Variants in ATAD1 observed in about 807,000 individuals in gnomAD.
ATAD1 encodes the protein ATPase family AAA domain containing 1.
A neutral mutation model predicts 42.7 loss-of-function variants in ATAD1; 18 were observed. The ratio of observed to expected loss-of-function variants is 0.42; its 90% CI spans 0.29 to 0.63. The LOEUF (loss-of-function observed/expected upper bound fraction) is 0.63. Ranked by LOEUF, ATAD1 falls within the 20% of genes least tolerant of loss-of-function variation. The pLI is 0.19. For synonymous variants in ATAD1, 132 were observed against 143.1 expected, an observed-to-expected ratio of 0.92 and a Z score of 0.55; for missense variants, 294 against 440.4, an observed-to-expected ratio of 0.67 and a Z score of 2.98.
intron 2 of ATAD1, among the ~76,000 whole-genome samples, chr10:87,806,845 G>A (rs1239330171): frequency 6.6e-6 from 1 of 152,088 alleles, no homozygotes; most frequent in East Asian, 1.9e-4. Context: ...TACGAGGAAG[G>A]ACGAAAGTTA....
intron 1 of ATAD1, among the ~76,000 whole-genome samples, chr10:87,834,920 G>A (rs982458597): frequency 6.6e-6 from 1 of 151,644 alleles, no homozygotes; most frequent in African/African-American, 2.4e-5. Flanking sequence ...TTCCCTCTAA[G>A]GATTGCTTTA....
In ATAD1 at chr10:87,762,595, GC is replaced by G. The variant is rs145438016; in HGVS notation, c.831+5077del. ...TTTTCCTGCCTCAGCCTCCCAAGTA[GC>G]CAGGATTACGGTTGCCAGCCACCAT... On this transcript the variant is annotated intron_variant, in intron 8 of 9. Transcript: ENST00000680024. Among the ~76,000 whole-genome samples the G allele has an allele frequency of 6.1e-3, 930 of 151,630 alleles. 10 individuals are homozygous for G. Among genetic ancestry groups the G allele is most frequent in the South Asian group, 0.017 (80 of 4,802 alleles).
rs73352853 is a variant in ATAD1 at position 87,766,237 on chromosome 10, C to T, written c.831+1436G>A. On this transcript the variant is annotated intron_variant, in intron 8 of 9. Transcript: ENST00000680024. ...ACTCTAACCTTTGATCTAGCAATTC[C>T]GCTCCTGGATAATTTACTTTACTAA... is the stretch of plus-strand genomic sequence containing the variant. Among the ~76,000 whole-genome samples, 1,133 of 152,172 alleles carry T rather than the reference C, an allele frequency of 7.4e-3. 9 individuals are homozygous for T. Among genetic ancestry groups the T allele is most frequent in the African/African-American group, 0.026 (1,069 of 41,506 alleles).
In ATAD1 at chr10:87,790,317, A is replaced by T; in HGVS notation, c.375T>A (p.Pro125=). The T allele has an allele frequency of 1.2e-6, 2 of 1,610,938 alleles. No homozygotes were observed. Among genetic ancestry groups the T allele is most frequent in the Non-Finnish European group, 1.7e-6 (2 of 1,179,278 alleles). Residue 125 remains proline (P), a synonymous_variant, in exon 4 of 10, where the codon CCT becomes CCA. Transcript: ENST00000680024. ...HLFENSRLLQ[P]PKGVLLYGPP... ...TATATACCTTTACCATACCTTTTGG[A>T]GGCTGCAGAAGCCTGGAATTCTCAA...
At chr10:87,756,640 G>T in intron 9 of ATAD1, 149 bp downstream of exon 9, 2 of 680,412 alleles carry the variant, frequency 2.9e-6, no homozygotes, top group Non-Finnish European at 4.3e-6. Context: ...TTGGAAAAAT[G>T]GCAATAAATA....
At chr10:87,817,995 T>G (rs1186012920) in intron 1 of ATAD1, 172 bp downstream of exon 1, 4 of 985,480 alleles carry the variant, frequency 4.1e-6, no homozygotes, top group Non-Finnish European at 1.2e-6. Context: ...TGGAGGTTAA[T>G]CCTCTAGATA....
At chr10:87,792,620 CT>C in intron 3 of ATAD1, 36 bp downstream of exon 3, 2 of 1,349,104 alleles carry the variant, frequency 1.5e-6, no homozygotes, top group Non-Finnish European at 2.1e-6. Context: ...CCACCCCCAC[CT>C]CTAAAAAAAT....
intron 1 of ATAD1, among the ~76,000 whole-genome samples, chr10:87,817,157 G>A (rs1857454586): frequency 6.6e-6 from 1 of 152,098 alleles, no homozygotes; most frequent in Non-Finnish European, 1.5e-5. Context: ...AACTTGTTTT[G>A]TAGACTGTAA....
intron 3 of ATAD1, 150 bp from the exon 4 acceptor site, chr10:87,790,580 C>T: frequency 1.2e-6 from 1 of 832,632 alleles, no homozygotes; most frequent in Non-Finnish European, 1.7e-6. Flanking sequence ...CTTTTCCAAG[C>T]AGTAATGAAA....
chr10:87,752,293 T>C lies in ATAD1; in HGVS notation c.*2394A>G, dbSNP rs1854049417. The C allele has an allele frequency of 6.6e-6, 1 of 152,256 alleles. No homozygotes were observed. Among genetic ancestry groups the C allele is most frequent in the South Asian group, 2.1e-4 (1 of 4,826 alleles). 9.4% of individuals were successfully genotyped at this position (152,256 alleles called of 1,614,324 possible). A position where few individuals can be genotyped will look rare whatever the true frequency, so the allele number is the denominator to read the frequency against. On this transcript the variant is annotated 3_prime_UTR_variant, in exon 10 of 10. Coordinates refer to ENST00000680024, the MANE Select transcript of ATAD1 (RefSeq NM_001321967.2). ...GCATAAATGATCCTTTCAGTCTCAA[T>C]CCCTGGAGTACAGGCCTAGGGATTA... is the stretch of plus-strand genomic sequence containing the variant.
chr10:87,795,504 T>C (rs1360729353), intron 2 of ATAD1, among the ~76,000 whole-genome samples: 1 of 151,568 alleles, frequency 6.6e-6, no homozygotes, highest in Non-Finnish European at 1.5e-5. Context: ...CAAGTGGTTG[T>C]TGTTTCTGTG....
At chr10:87,794,189 C>A (rs1302955310) in intron 2 of ATAD1, among the ~76,000 whole-genome samples, 1 of 152,104 alleles carries the variant, frequency 6.6e-6, no homozygotes, top group Admixed American at 6.6e-5. Context: ...CACTGCATTC[C>A]AGCCTGGACA....
At chr10:87,841,019 G>C (rs1229707876) in intron 1 of ATAD1, among the ~76,000 whole-genome samples, 1 of 152,024 alleles carries the variant, frequency 6.6e-6, no homozygotes, top group Non-Finnish European at 1.5e-5. Context: ...GCTAGCATGA[G>C]AAGTACAAAG....
intron 9 of ATAD1, among the ~76,000 whole-genome samples, chr10:87,756,394 CT>C (rs1771655459): frequency 6.6e-6 from 1 of 152,190 alleles, no homozygotes; most frequent in Non-Finnish European, 1.5e-5. Context: ...CTTCACTATA[CT>C]TTGGAACTGG....
rs184086830 is a variant in ATAD1, at chr10:87,829,481, C to T, written c.-14+11706G>A. ...ATGTTGGCCAGGATGGTCTTGATCT[C>T]CTGACCTCATGATCTGCCGACCTCA... On this transcript the variant is annotated intron_variant, in intron 1 of 4. Transcript: ENST00000495903. Among the ~76,000 whole-genome samples, 792 of 152,196 alleles carry T rather than the reference C, an allele frequency of 5.2e-3. 6 individuals are homozygous for T. The highest frequency in any genetic ancestry group is 0.019 in the South Asian group (90 of 4,814).
chr10:87,803,250 CCATCCTAGCCATGAGAGAT>C (rs1856784644), intron 2 of ATAD1, among the ~76,000 whole-genome samples: 1 of 152,196 alleles, frequency 6.6e-6, no homozygotes, highest in Non-Finnish European at 1.5e-5. Flanking sequence ...AAGGAATAAA[CCATCCTAGCCATGAGAGAT>C]CAGACGAAAC....
chr10:87,836,404 C>T (rs751986777), intron 1 of ATAD1, among the ~76,000 whole-genome samples: 1 of 152,182 alleles, frequency 6.6e-6, no homozygotes, highest in Non-Finnish European at 1.5e-5. Flanking sequence ...TTTCCTCCCC[C>T]AAGAATGTGT....
At chr10:87,788,528 G>A (rs1855941626) in intron 4 of ATAD1, among the ~76,000 whole-genome samples, 2 of 152,068 alleles carry the variant, frequency 1.3e-5, no homozygotes, top group African/African-American at 4.8e-5. Context: ...CTTTTAAATT[G>A]GACAATGCTT....
chr10:87,837,591 A>T (rs1857952592), intron 1 of ATAD1, among the ~76,000 whole-genome samples: 1 of 152,132 alleles, frequency 6.6e-6, no homozygotes, highest in South Asian at 2.1e-4. Flanking sequence ...TACTTCTCTG[A>T]GTTCCTCCCT....
Sources: gnomAD v4.1 joint callset for allele counts (sites outside exome capture counted in the v4.1 genomes callset) on GRCh38, gnomAD v4.1.1 for gene constraint, MANE v1.5 for transcripts, NCBI Gene and HGNC (gene_info 2026-07-23, HGNC 2026-07-21) for gene names.